LRRC7: variants seen among roughly 807,000 people sequenced by gnomAD.
LRRC7 encodes leucine rich repeat containing 7.
In LRRC7, 23 loss-of-function variants were observed where a neutral mutation model predicts 175.7. The observed-to-expected ratio is 0.13, with a 90% CI of 0.09 to 0.19. The LOEUF (loss-of-function observed/expected upper bound fraction) is 0.19. Ranked by LOEUF, LRRC7 falls within the 10% of genes least tolerant of loss-of-function variation. The pLI is 1.00. For missense variants in LRRC7, 1,354 were observed against 1,904.7 expected (o/e 0.71, Z 5.38); for synonymous variants, 685 against 680.9 (o/e 1.01, Z -0.09).
chr1:69,812,309 G>A (rs981565744), intron 4 of LRRC7, among the ~76,000 whole-genome samples: 5 of 152,034 alleles, frequency 3.3e-5, no homozygotes, highest in Non-Finnish European at 7.4e-5. Context: ...TAATATGATA[G>A]CGTTTGAAAT....
chr1:69,602,473 T>C (rs1478814037), intron 1 of LRRC7, among the ~76,000 whole-genome samples: 1 of 146,066 alleles, frequency 6.8e-6, no homozygotes, highest in African/African-American at 2.8e-5. Flanking sequence ...ACATTTTAAA[T>C]AAAATAACAT....
intron 8 of LRRC7, among the ~76,000 whole-genome samples, chr1:69,977,621 G>A (rs912698749): frequency 8.5e-5 from 13 of 152,142 alleles, no homozygotes; most frequent in Admixed American, 7.2e-4. Flanking sequence ...CTTGTGCTAA[G>A]GGTGAGGCCA....
intron 7 of LRRC7, among the ~76,000 whole-genome samples, chr1:69,916,944 T>A (rs925593981): frequency 7.9e-5 from 12 of 152,078 alleles, no homozygotes; most frequent in African/African-American, 2.9e-4. Context: ...ATGGACTAAC[T>A]TATGAGCTGA....
chr1:69,737,473 A>C (rs1229109872), intron 2 of LRRC7, among the ~76,000 whole-genome samples: 2 of 152,072 alleles, frequency 1.3e-5, no homozygotes, highest in African/African-American at 2.4e-5. Flanking sequence ...TAAATTACCC[A>C]GTCTCAGGTA....
At chr1:69,805,690 A>G (rs1253383219) in intron 4 of LRRC7, among the ~76,000 whole-genome samples, 4 of 151,910 alleles carry the variant, frequency 2.6e-5, no homozygotes. Flanking sequence ...TTTCCATTAA[A>G]GAACATCATG....
At chr1:69,748,875 G>A (rs150848915) in intron 2 of LRRC7, among the ~76,000 whole-genome samples, 1 of 152,064 alleles carries the variant, frequency 6.6e-6, no homozygotes, top group African/African-American at 2.4e-5. Context: ...CAAGCCTTCA[G>A]ATATTATTCC....
At chr1:69,620,151 TA>T (rs369738073) in intron 1 of LRRC7, among the ~76,000 whole-genome samples, 1 of 152,298 alleles carries the variant, frequency 6.6e-6, no homozygotes, top group African/African-American at 2.4e-5. Context: ...AAGCCAATAT[TA>T]AAGAAATTTG....
intron 2 of LRRC7, among the ~76,000 whole-genome samples, chr1:69,698,929 G>C (rs1662971901): frequency 6.6e-6 from 1 of 152,092 alleles, no homozygotes; most frequent in South Asian, 2.1e-4. Flanking sequence ...CTCTCTGTCT[G>C]TCTGACTTTA....
chr1:69,778,961 CAT>C (rs144881899), intron 3 of LRRC7, among the ~76,000 whole-genome samples: 20,499 of 135,258 alleles, frequency 0.15, 2,641 homozygotes, highest in African/African-American at 0.36. Flanking sequence ...CACACACAAA[CAT>C]ATATATATAT....
At chr1:69,829,455 T>C (rs560051921) in intron 5 of LRRC7, among the ~76,000 whole-genome samples, 1 of 151,996 alleles carries the variant, frequency 6.6e-6, no homozygotes, top group Admixed American at 6.6e-5. Flanking sequence ...ATTTATCTTT[T>C]CTTTACACTA....
intron 26 of LRRC7, among the ~76,000 whole-genome samples, chr1:70,116,584 T>C (rs1164930984): frequency 6.6e-6 from 1 of 151,760 alleles, no homozygotes; most frequent in Admixed American, 6.6e-5. Flanking sequence ...TTCTTATTTA[T>C]GTTTTGTTCT....
intron 1 of LRRC7, among the ~76,000 whole-genome samples, chr1:69,641,938 T>G (rs546339469): frequency 6.6e-6 from 1 of 151,982 alleles, no homozygotes; most frequent in East Asian, 1.9e-4. Context: ...AGTTTTAAGT[T>G]GAATAAAGAT....
chr1:69,818,912 T>A (rs774098442), intron 4 of LRRC7, among the ~76,000 whole-genome samples: 1 of 152,136 alleles, frequency 6.6e-6, no homozygotes, highest in Non-Finnish European at 1.5e-5. Context: ...TATCATGATT[T>A]GTATATCTGT....
intron 12 of LRRC7, among the ~76,000 whole-genome samples, chr1:70,012,400 G>A (rs543804536): frequency 1.3e-5 from 2 of 151,462 alleles, no homozygotes; most frequent in Non-Finnish European, 3.0e-5. Flanking sequence ...TATCAAAAAA[G>A]TATAAAGTAC....
chr1:69,700,384 T>G (rs1376703441), intron 2 of LRRC7, among the ~76,000 whole-genome samples: 1 of 152,232 alleles, frequency 6.6e-6, no homozygotes, highest in South Asian at 2.1e-4. Flanking sequence ...GTGCTATTAG[T>G]ATTCCTTTGT....
Position 70,117,632 on chromosome 1 carries a change from G to T in LRRC7, c.4621-4148G>T, listed in dbSNP as rs376861248. ...AATAATGTAATGATTATAGTAAAAT[G>T]TTCCTTCATACTTTCAAATCAGCTA... On this transcript the variant is annotated intron_variant, in intron 26 of 26. Transcript: ENST00000651989. 3.3e-5 allele frequency among the ~76,000 whole-genome samples: 5 copies of T among 152,094 alleles called. No homozygotes were observed. The East Asian group carries it at 7.7e-4, about 23-fold the overall frequency.
intron 7 of LRRC7, among the ~76,000 whole-genome samples, chr1:69,843,864 A>G (rs181340088): frequency 1.3e-5 from 2 of 152,270 alleles, no homozygotes; most frequent in East Asian, 3.9e-4. Flanking sequence ...TAAAGAGACT[A>G]AAATAAATAT....
intron 7 of LRRC7, among the ~76,000 whole-genome samples, chr1:69,870,520 T>G (rs1212063709): frequency 6.6e-6 from 1 of 151,972 alleles, no homozygotes; most frequent in African/African-American, 2.4e-5. Flanking sequence ...AAAAGGCAAA[T>G]TGTTTCATCT....
chr1:69,833,065 A>G (rs1360355597), intron 5 of LRRC7, among the ~76,000 whole-genome samples: 1 of 145,642 alleles, frequency 6.9e-6, no homozygotes, highest in African/African-American at 2.5e-5. Flanking sequence ...AGATTGCACC[A>G]TTGCACTCTA....
Sources: allele counts gnomAD v4.1 joint callset (sites outside exome capture counted in the v4.1 genomes callset), GRCh38; gene constraint gnomAD v4.1.1; transcripts MANE v1.5; gene names NCBI Gene and HGNC (gene_info 2026-07-23, HGNC 2026-07-21).